The following DAB1 variants were observed in gnomAD, a reference collection of about 807,000 sequenced individuals.
DAB1 encodes DAB adaptor protein 1, also known as disabled homolog 1.
In DAB1, 15 loss-of-function variants were observed where a neutral mutation model predicts 64.6. The ratio of observed to expected loss-of-function variants is 0.23; its 90% CI spans 0.16 to 0.36. The LOEUF (loss-of-function observed/expected upper bound fraction) is 0.36. Among genes scored for constraint, DAB1 ranks in the 10% least tolerant of loss-of-function variants. The pLI is 1.00. For synonymous variants in DAB1, 235 were observed against 251.9 expected, an observed-to-expected ratio of 0.93 and a Z score of 0.64; for missense variants, 596 against 706.7, an observed-to-expected ratio of 0.84 and a Z score of 1.78.
chr1:57,965,372 T>C (rs1645638696), intron 5 of DAB1, among the ~76,000 whole-genome samples: 1 of 152,194 alleles, frequency 6.6e-6, no homozygotes, highest in Non-Finnish European at 1.5e-5. Context: ...GTTCAAGTTG[T>C]GCTTTGCCAC....
At chr1:58,108,998 T>C (rs1220587523) in intron 5 of DAB1, among the ~76,000 whole-genome samples, 1 of 152,174 alleles carries the variant, frequency 6.6e-6, no homozygotes, top group Non-Finnish European at 1.5e-5. Flanking sequence ...CATTGGAAAG[T>C]ACCTGAAATA....
chr1:57,652,219 T>C (rs77969410), intron 6 of DAB1, among the ~76,000 whole-genome samples: 5,425 of 152,206 alleles, frequency 0.036, 313 homozygotes, highest in African/African-American at 0.12. Flanking sequence ...CTTTTCAGGT[T>C]TTTTGCACGT....
chr1:57,905,912 A>G (rs1031801450), intron 5 of DAB1, among the ~76,000 whole-genome samples: 1 of 152,254 alleles, frequency 6.6e-6, no homozygotes, highest in African/African-American at 2.4e-5. Context: ...AGGAATGCAG[A>G]GAATTCATTA....
chr1:58,011,764 T>G (rs1186421395), intron 5 of DAB1, among the ~76,000 whole-genome samples: 1 of 152,156 alleles, frequency 6.6e-6, no homozygotes, highest in Non-Finnish European at 1.5e-5. Context: ...CTCAGCTCAT[T>G]GCAATTTCCC....
At chr1:57,230,402 A>C (rs1569979015) in intron 2 of DAB1, among the ~76,000 whole-genome samples, 1 of 119,330 alleles carries the variant, frequency 8.4e-6, no homozygotes, top group Non-Finnish European at 1.6e-5. Context: ...TCAGATTTTC[A>C]AAAAAAATGT....
At chr1:57,467,403 T>C (rs527893110) in intron 7 of DAB1, among the ~76,000 whole-genome samples, 2 of 152,310 alleles carry the variant, frequency 1.3e-5, no homozygotes, top group African/African-American at 4.8e-5. Context: ...GCCAGCAGTA[T>C]TATCACCACT....
chr1:58,539,235 A>G (rs761998419), intron 1 of DAB1: 2 of 871,008 alleles, frequency 2.3e-6, no homozygotes, highest in South Asian at 2.6e-5. Context: ...TAGACAGTGA[A>G]TTAAATCGGA....
At chr1:57,856,942 A>G (rs1215183417) in intron 1 of DAB1, among the ~76,000 whole-genome samples, 1 of 152,200 alleles carries the variant, frequency 6.6e-6, no homozygotes, top group East Asian at 1.9e-4. Flanking sequence ...ATGCTCAATA[A>G]GTACACTTTC....
intron 4 of DAB1, among the ~76,000 whole-genome samples, chr1:58,175,212 A>G (rs1557682633): frequency 6.6e-6 from 1 of 152,194 alleles, no homozygotes; most frequent in African/African-American, 2.4e-5. Context: ...TGAGACCACA[A>G]ACCCACAAGG....
At chr1:57,916,107 C>T (rs946243203) in intron 5 of DAB1, among the ~76,000 whole-genome samples, 3 of 152,266 alleles carry the variant, frequency 2.0e-5, no homozygotes, top group Non-Finnish European at 2.9e-5. Flanking sequence ...CTCTCCCTGG[C>T]GGGTGAAAGA....
At chr1:58,226,994 C>T (rs560913911) in intron 4 of DAB1, among the ~76,000 whole-genome samples, 1 of 152,298 alleles carries the variant, frequency 6.6e-6, no homozygotes, top group South Asian at 2.1e-4. Context: ...TCATTTAACT[C>T]TCGAAAGCAC....
intron 6 of DAB1, among the ~76,000 whole-genome samples, chr1:57,666,549 T>C (rs1646449694): frequency 6.6e-6 from 1 of 152,166 alleles, no homozygotes; most frequent in Admixed American, 6.6e-5. Context: ...ATTCAATCTC[T>C]TCATGTCAGA....
At chr1:58,334,469 C>T (rs1417981) in intron 4 of DAB1, among the ~76,000 whole-genome samples, 19,354 of 151,690 alleles carry the variant, frequency 0.13, 1,471 homozygotes, top group South Asian at 0.28. Flanking sequence ...TGTCATAACT[C>T]GTTTTCTCAT....
chr1:57,356,287 G>T (rs1486969602), intron 1 of DAB1, among the ~76,000 whole-genome samples: 1 of 152,008 alleles, frequency 6.6e-6, no homozygotes, highest in East Asian at 1.9e-4. Context: ...CTTTAAAGTG[G>T]ACACATGACT....
chr1:57,286,605 T>G (rs932038954), intron 2 of DAB1, among the ~76,000 whole-genome samples: 3 of 152,218 alleles, frequency 2.0e-5, no homozygotes, highest in African/African-American at 7.2e-5. Context: ...TTTAAAAAGT[T>G]AAATAATTGT....
chr1:57,514,040 G>A (rs997463595), intron 7 of DAB1, among the ~76,000 whole-genome samples: 2 of 152,120 alleles, frequency 1.3e-5, no homozygotes, highest in Admixed American at 6.5e-5. Context: ...CTTTTTTAAT[G>A]CTGAATAGTT....
At chr1:57,079,064 T>C (rs537415241) in intron 4 of DAB1, among the ~76,000 whole-genome samples, 1 of 152,190 alleles carries the variant, frequency 6.6e-6, no homozygotes, top group East Asian at 1.9e-4. Flanking sequence ...TCCTGTTGAG[T>C]GAAAAAAGCA....
intron 6 of DAB1, among the ~76,000 whole-genome samples, chr1:57,713,685 A>C (rs1647051877): frequency 6.6e-6 from 1 of 152,264 alleles, no homozygotes; most frequent in African/African-American, 2.4e-5. Context: ...AAAGGAAAGT[A>C]AAATAGAACA....
At chr1:57,578,274 T>G (rs1211959439) in intron 7 of DAB1, among the ~76,000 whole-genome samples, 1 of 152,212 alleles carries the variant, frequency 6.6e-6, no homozygotes, top group East Asian at 1.9e-4. Flanking sequence ...TTCTTTGGCA[T>G]GAAGCATGTC....
Sources: allele counts gnomAD v4.1 joint callset (sites outside exome capture counted in the v4.1 genomes callset), GRCh38; gene constraint gnomAD v4.1.1; transcripts MANE v1.5; gene names NCBI Gene and HGNC (gene_info 2026-07-23, HGNC 2026-07-21).